Variants in KIF13B observed in about 807,000 individuals in gnomAD.
KIF13B encodes the protein kinesin family member 13B.
KIF13B carries 127 observed loss-of-function variants against 222.0 expected under a neutral mutation model. The observed-to-expected ratio is 0.57, with a 90% CI of 0.50 to 0.66. KIF13B has a LOEUF of 0.66. Ranked by LOEUF, KIF13B falls within the 30% of genes least tolerant of loss-of-function variation. The probability of loss-of-function intolerance (pLI) is 0.00; values close to 1 mark genes in which losing one functional copy is unlikely to be tolerated. For synonymous variants in KIF13B, 976 were observed against 919.0 expected, an observed-to-expected ratio of 1.06 and a Z score of -1.12; for missense variants, 2,173 against 2,379.0, an observed-to-expected ratio of 0.91 and a Z score of 1.80.
intron 2 of KIF13B, among the ~76,000 whole-genome samples, chr8:29,206,713 C>T (rs11136059): frequency 0.62 from 94,037 of 151,988 alleles, 30,601 homozygotes; most frequent in Non-Finnish European, 0.74. Context: ...CCTGGAAAAA[C>T]GGGACAAAAA....
intron 2 of KIF13B, among the ~76,000 whole-genome samples, chr8:29,235,100 G>A (rs142369498): frequency 3.6e-4 from 54 of 152,088 alleles, no homozygotes; most frequent in Admixed American, 7.9e-4. Context: ...TTATTCTACC[G>A]TATAATCCTA....
At chr8:29,102,576 T>C (rs1261393154) in intron 35 of KIF13B, among the ~76,000 whole-genome samples, 1 of 152,264 alleles carries the variant, frequency 6.6e-6, no homozygotes, top group Non-Finnish European at 1.5e-5. Context: ...CATGCAGTTT[T>C]TCCCACTCCT....
intron 37 of KIF13B, among the ~76,000 whole-genome samples, chr8:29,091,015 G>C (rs895083385): frequency 2.6e-5 from 4 of 152,132 alleles, no homozygotes; most frequent in African/African-American, 9.7e-5. Context: ...ACTGCACTCG[G>C]CCATATATTT....
rs1368210210 is a variant in KIF13B at position 29,180,372 on chromosome 8, A to G, written c.586-134T>C. On this transcript the variant is annotated intron_variant, in intron 7 of 39. Coordinates refer to ENST00000524189, the MANE Select transcript of KIF13B (RefSeq NM_015254.4). ...TTTGGAGTTAACATTTTGTTTCTCA[A>G]TGAATATTGAGCCCCATGGAGTACA... 9 of 898,616 alleles carry G rather than the reference A, an allele frequency of 1.0e-5. No homozygotes were observed. In the East Asian group the frequency reaches 1.9e-4, roughly 19 times the overall value. The allele number at this position is 898,616 out of a possible 1,614,324, so 55.7% of individuals were successfully genotyped here.
At chr8:29,205,260 A>T (rs1813878965) in intron 2 of KIF13B, among the ~76,000 whole-genome samples, 1 of 152,158 alleles carries the variant, frequency 6.6e-6, no homozygotes. Context: ...AAAAGTAGAA[A>T]ATTAGAAGAC....
At chr8:29,113,367 T>A (rs1170524185) in intron 32 of KIF13B, 96 bp downstream of exon 32, 1 of 656,716 alleles carries the variant, frequency 1.5e-6, no homozygotes. Flanking sequence ...AACATACACT[T>A]TCACTTCATA....
Position 29,116,866 on chromosome 8 carries a change from G to A in KIF13B, c.3802C>T (p.Arg1268Cys), listed in dbSNP as rs375451644. The A allele has an allele frequency of 1.3e-5, 21 of 1,612,506 alleles. No individual in the cohort carries two copies. In the African/African-American group the frequency reaches 1.5e-4, roughly 11 times the overall value. Residue 1268 changes from arginine (R) to cysteine (C), a missense_variant, in exon 31 of 40, where the codon CGC becomes TGC. Arg to Cys is a radical substitution (Grantham distance 180). Around this residue, in one of 2 missense-constraint regions of KIF13B, gnomAD observed 1,480 missense variants for 1,722.8 expected, o/e 0.86. Coordinates refer to ENST00000524189, the MANE Select transcript of KIF13B (RefSeq NM_015254.4). Reference sequence around the variant, plus strand: ...TGAACATTGACACAGATTCTCTTGCGTAACACCAGTTGCATGTCAGCAGGG... The same window carrying A: ...TGAACATTGACACAGATTCTCTTGCATAACACCAGTTGCATGTCAGCAGGG... ...SHPADMQLVLRKRICVNVHGR... is the reference protein window; with the variant it reads ...SHPADMQLVLCKRICVNVHGR...
intron 19 of KIF13B, among the ~76,000 whole-genome samples, chr8:29,141,345 A>G (rs76229842): frequency 6.6e-6 from 1 of 151,946 alleles, no homozygotes; most frequent in Non-Finnish European, 1.5e-5. Context: ...AAAAAAAAAA[A>G]GGTGAGCCCC....
chr8:29,088,251 G>A (rs1808135162), intron 37 of KIF13B, among the ~76,000 whole-genome samples: 1 of 151,976 alleles, frequency 6.6e-6, no homozygotes. Flanking sequence ...GGGCGACAGA[G>A]GGAGACTCCA....
At chr8:29,221,603 T>A (rs1387405256) in intron 2 of KIF13B, among the ~76,000 whole-genome samples, 1 of 152,142 alleles carries the variant, frequency 6.6e-6, no homozygotes, top group Non-Finnish European at 1.5e-5. Context: ...ATGTATCCAA[T>A]ATGATTTTAA....
chr8:29,139,696 T>C (rs186110665), intron 21 of KIF13B, among the ~76,000 whole-genome samples: 258 of 152,338 alleles, frequency 1.7e-3, no homozygotes, highest in Middle Eastern at 3.4e-3. Flanking sequence ...TTAGGCCTTC[T>C]TCGCTTCACC....
intron 18 of KIF13B, 37 bp downstream of exon 18, chr8:29,146,341 T>C (rs925822144): frequency 6.2e-7 from 1 of 1,607,810 alleles, no homozygotes; most frequent in South Asian, 1.1e-5. Context: ...TCTTATCCAA[T>C]GAGATCTTTG....
intron 35 of KIF13B, among the ~76,000 whole-genome samples, chr8:29,104,538 A>G (rs1284038423): frequency 6.6e-6 from 1 of 152,156 alleles, no homozygotes; most frequent in African/African-American, 2.4e-5. Context: ...GCAAAATTAC[A>G]CACCACAGCT....
At chr8:29,099,426 T>C (rs981124649) in intron 35 of KIF13B, among the ~76,000 whole-genome samples, 185 bp from the exon 36 acceptor site, 2 of 152,036 alleles carry the variant, frequency 1.3e-5, no homozygotes, top group African/African-American at 2.4e-5. Flanking sequence ...CAGGCTGGAG[T>C]GCAGGGGTGC....
intron 7 of KIF13B, 63 bp downstream of exon 7, chr8:29,181,856 G>A: frequency 9.1e-7 from 1 of 1,100,608 alleles, no homozygotes; most frequent in Non-Finnish European, 1.3e-6. Flanking sequence ...ATTAAGCCAA[G>A]AAAAAAAAGA....
chr8:29,259,219 G>A (rs947267368), intron 1 of KIF13B, among the ~76,000 whole-genome samples: 4 of 151,946 alleles, frequency 2.6e-5, no homozygotes, highest in Non-Finnish European at 5.9e-5. Flanking sequence ...CCAAGGCACT[G>A]ACTCTACATT....
intron 36 of KIF13B, among the ~76,000 whole-genome samples, chr8:29,098,651 C>CAA (rs1808651923): frequency 6.7e-6 from 1 of 148,580 alleles, no homozygotes; most frequent in East Asian, 2.0e-4. Context: ...AATCTCCCCA[C>CAA]AAAGAGGATT....
At chr8:29,201,734 C>A (rs1201933071) in intron 2 of KIF13B, among the ~76,000 whole-genome samples, 1 of 152,218 alleles carries the variant, frequency 6.6e-6, no homozygotes, top group Non-Finnish European at 1.5e-5. Flanking sequence ...CGGATGTATA[C>A]ATCACAAAGA....
intron 10 of KIF13B, among the ~76,000 whole-genome samples, chr8:29,173,821 G>A (rs1462398348): frequency 6.6e-6 from 1 of 151,646 alleles, no homozygotes; most frequent in African/African-American, 2.4e-5. Context: ...GTGCGCACCT[G>A]TAATCCCAGC....
Sources: allele counts gnomAD v4.1 joint callset (sites outside exome capture counted in the v4.1 genomes callset), GRCh38; gene constraint gnomAD v4.1.1; regional missense constraint gnomAD v4.1.1; transcripts MANE v1.5; gene names NCBI Gene and HGNC (gene_info 2026-07-23, HGNC 2026-07-21).